Variants in MBTD1 observed in about 807,000 individuals in gnomAD.
MBTD1 encodes the protein mbt domain containing 1.
MBTD1 carries 24 observed loss-of-function variants against 87.8 expected under a neutral mutation model. The ratio of observed to expected loss-of-function variants is 0.27; its 90% CI spans 0.20 to 0.38. The LOEUF is 0.38. MBTD1 is among the 10% of genes least tolerant of loss of function. The probability of loss-of-function intolerance (pLI) is 1.00; values close to 1 mark genes in which losing one functional copy is unlikely to be tolerated. For synonymous variants in MBTD1, 237 were observed against 248.6 expected (o/e 0.95, Z 0.44); for missense variants, 436 against 760.2 (o/e 0.57, Z 5.02).
chr17:51,209,519 C>T (rs2052046209), intron 6 of MBTD1: 1 of 469,612 alleles, frequency 2.1e-6, no homozygotes, highest in African/African-American at 2.0e-5. Context: ...ACAACCTCCA[C>T]ATGACTGTAA....
At chr17:51,192,619 C>A in intron 15 of MBTD1, 163 bp downstream of exon 15, 1 of 1,279,992 alleles carries the variant, frequency 7.8e-7, no homozygotes, top group East Asian at 2.4e-5. Context: ...GACACATGGT[C>A]TGATTCTGTG....
chr17:51,260,767 T>A, upstream of MBTD1: 2 of 1,581,178 alleles, frequency 1.3e-6, no homozygotes, highest in Non-Finnish European at 1.7e-6. Context: ...CCGCTGCGAT[T>A]GCAGTCGCGG....
chr17:51,251,606 TCTCA>T (rs2054787931), intron 2 of MBTD1: 1 of 152,190 alleles, frequency 6.6e-6, no homozygotes, highest in Admixed American at 6.5e-5. Context: ...GCCTTCCCTC[TCTCA>T]CTCTTAACAC....
chr17:51,234,749 A>G (rs967355529), intron 2 of MBTD1, among the ~76,000 whole-genome samples: 2 of 152,180 alleles, frequency 1.3e-5, no homozygotes, highest in African/African-American at 4.8e-5. Flanking sequence ...GCTGGAGCGC[A>G]ATGGTGCAAT....
chr17:51,197,540 C>T (rs1191295277), intron 12 of MBTD1, among the ~76,000 whole-genome samples: 2 of 145,546 alleles, frequency 1.4e-5, no homozygotes, highest in Non-Finnish European at 1.5e-5. Context: ...TTTTTTGAGA[C>T]AAGGTCACCC....
At chr17:51,227,947 G>A (rs1225858673) in intron 2 of MBTD1, among the ~76,000 whole-genome samples, 9 of 143,278 alleles carry the variant, frequency 6.3e-5, no homozygotes, top group African/African-American at 2.1e-4. Context: ...GCAAGATTCC[G>A]TCTCAAGAAA....
At chr17:51,188,753 GTT>G (rs767959315) in intron 16 of MBTD1, among the ~76,000 whole-genome samples, 20 of 108,876 alleles carry the variant, frequency 1.8e-4, no homozygotes, top group South Asian at 2.9e-4. Flanking sequence ...ATTCAAATAG[GTT>G]TTTTTTTTTT....
Position 51,260,048 on chromosome 17 carries a change from T to A in MBTD1, c.-326A>T. 2.5e-6 allele frequency: 1 copy of A among 407,514 alleles called. No individual in the cohort carries two copies. The highest frequency in any genetic ancestry group is 4.2e-6 in the Non-Finnish European group (1 of 236,682). 25.2% of individuals were successfully genotyped at this position (407,514 alleles called of 1,614,324 possible). A position where few individuals can be genotyped will look rare whatever the true frequency, so the allele number is the denominator to read the frequency against. On this transcript the variant is annotated 5_prime_UTR_variant, in exon 1 of 17. An upstream start codon of the reference 5' UTR is lost. Coordinates refer to ENST00000586178, the MANE Select transcript of MBTD1 (RefSeq NM_017643.3). Reference sequence around the variant, plus strand: ...GGGTGGCCCCAGGATATCAACAACATTAGCATAGCCCTCCCTCCCCAGCGC... The same window carrying A: ...GGGTGGCCCCAGGATATCAACAACAATAGCATAGCCCTCCCTCCCCAGCGC...
chr17:51,187,551 T>C (rs913169068), intron 16 of MBTD1, among the ~76,000 whole-genome samples: 1 of 152,076 alleles, frequency 6.6e-6, no homozygotes, highest in African/African-American at 2.4e-5. Flanking sequence ...ATTAATCATA[T>C]TGAAAGCTGA....
chr17:51,259,789 T>TC (rs972541601), intron 1 of MBTD1, 46 bp downstream of exon 1: 23 of 1,230,882 alleles, frequency 1.9e-5, no homozygotes, highest in South Asian at 8.2e-5. Context: ...GCTGCAGGCG[T>TC]CCCCCCCACC....
At chr17:51,233,546 A>G (rs552237057) in intron 2 of MBTD1, among the ~76,000 whole-genome samples, 2 of 152,322 alleles carry the variant, frequency 1.3e-5, no homozygotes, top group East Asian at 3.9e-4. Flanking sequence ...GTGTGTATAC[A>G]TGAGACAAAA....
intron 2 of MBTD1, among the ~76,000 whole-genome samples, chr17:51,230,373 TCTTA>T (rs2053480889): frequency 6.6e-6 from 1 of 152,232 alleles, no homozygotes; most frequent in Admixed American, 6.5e-5. Flanking sequence ...GGGTTTCTTC[TCTTA>T]CTCATTCGAC....
intron 12 of MBTD1, among the ~76,000 whole-genome samples, chr17:51,200,181 G>A (rs896182814): frequency 5.3e-5 from 8 of 152,024 alleles, no homozygotes; most frequent in African/African-American, 1.9e-4. Context: ...TGCAAATCAC[G>A]ATTTAAGTTA....
rs1227876095 is a variant in MBTD1 at position 51,193,431 on chromosome 17, A to G, written c.1452T>C (p.Asn484=). 1.9e-6 allele frequency: 3 copies of G among 1,606,676 alleles called. No homozygotes were observed. Among genetic ancestry groups the G allele is most frequent in the Non-Finnish European group, 2.6e-6 (3 of 1,175,206 alleles). Residue 484 remains asparagine (N), a synonymous_variant, in exon 14 of 17, where the codon AAT becomes AAC. Transcript: ENST00000586178. The stretch of plus-strand genomic sequence containing the variant: ...TTATGCTGCCATTTAAATTTACCTT[A>G]TTAAATAGTTTTACTGGTGCTGCAA... The part of the protein sequence containing the change: ...GSIAAPVKLF[N]KDVPNHGFRV...
At chr17:51,197,516 TTTTC>T (rs2051203020) in intron 12 of MBTD1, among the ~76,000 whole-genome samples, 1 of 151,400 alleles carries the variant, frequency 6.6e-6, no homozygotes, top group African/African-American at 2.4e-5. Flanking sequence ...TTAATTTTTC[TTTTC>T]TTTTTTTTTT....
intron 16 of MBTD1, chr17:51,191,567 C>T (rs1360935725): frequency 2.0e-5 from 3 of 151,006 alleles, no homozygotes; most frequent in Non-Finnish European, 4.4e-5. Context: ...CTACTGTAAG[C>T]ATCAAGCATC....
chr17:51,244,288 C>A (rs777439946), intron 2 of MBTD1, among the ~76,000 whole-genome samples: 1 of 152,226 alleles, frequency 6.6e-6, no homozygotes, highest in East Asian at 1.9e-4. Context: ...ACATACCTAC[C>A]TATTCATTAT....
chr17:51,201,492 C>T lies in MBTD1; in HGVS notation c.1224+100G>A, dbSNP rs953676399. Reference sequence around the variant, plus strand: ...TCTCCCCAGTGAAGATATACACATACACATTTTATGTCAAAACGAATATGC... The same window carrying T: ...TCTCCCCAGTGAAGATATACACATATACATTTTATGTCAAAACGAATATGC... On this transcript the variant is annotated intron_variant, in intron 12 of 16. Transcript: ENST00000586178. 2.8e-5 allele frequency: 19 copies of T among 679,088 alleles called. No homozygotes were observed. The African/African-American group carries it at 3.5e-4, about 12-fold the overall frequency. The allele number at this position is 679,088 out of a possible 1,614,324, so 42.1% of individuals were successfully genotyped here.
intron 2 of MBTD1, among the ~76,000 whole-genome samples, chr17:51,236,487 T>C (rs1319787689): frequency 2.6e-5 from 4 of 152,198 alleles, no homozygotes; most frequent in African/African-American, 9.6e-5. Context: ...TCAAGTCATC[T>C]GCCCGCCTCA....
Sources: allele counts gnomAD v4.1 joint callset (sites outside exome capture counted in the v4.1 genomes callset), GRCh38; gene constraint gnomAD v4.1.1; transcripts MANE v1.5; gene names NCBI Gene and HGNC (gene_info 2026-07-23, HGNC 2026-07-21).